The following STPG2 variants were observed in gnomAD, a reference collection of about 807,000 sequenced individuals.
STPG2 encodes the protein sperm-tail PG-rich repeat-containing protein 2.
A neutral mutation model predicts 54.2 loss-of-function variants in STPG2; 56 were observed. That is an observed-to-expected ratio of 1.03 (90% CI 0.83 to 1.29). The LOEUF is 1.29. Ranked by LOEUF, STPG2 falls within the 50% of genes most tolerant of loss-of-function variation. STPG2 has a pLI of 0.00. For synonymous variants in STPG2, 200 were observed against 181.8 expected, an observed-to-expected ratio of 1.10 and a Z score of -0.81; for missense variants, 596 against 544.9, an observed-to-expected ratio of 1.09 and a Z score of -0.93.
At chr4:97,813,677 T>TA (rs869298230) in intron 9 of STPG2, among the ~76,000 whole-genome samples, 1,031 of 45,838 alleles carry the variant, frequency 0.022, 123 homozygotes, top group Middle Eastern at 0.05. Context: ...CCCTGTCTCT[T>TA]AAAAAAAAAA....
At chr4:98,133,219 T>C (rs938082038) in intron 2 of STPG2, among the ~76,000 whole-genome samples, 6 of 152,044 alleles carry the variant, frequency 3.9e-5, no homozygotes, top group Non-Finnish European at 4.4e-5. Context: ...AATTGACTAA[T>C]ATCCAATTAA....
At chr4:97,665,409 G>A (rs1722494166) in intron 10 of STPG2, among the ~76,000 whole-genome samples, 2 of 152,152 alleles carry the variant, frequency 1.3e-5, no homozygotes, top group South Asian at 2.1e-4. Flanking sequence ...TAGCGAGGAT[G>A]TCCCAACAAG....
At chr4:97,949,563 A>T (rs1733386914) in intron 7 of STPG2, among the ~76,000 whole-genome samples, 1 of 152,108 alleles carries the variant, frequency 6.6e-6, no homozygotes, top group African/African-American at 2.4e-5. Flanking sequence ...TTGTTTCAAG[A>T]TTTAGACTCC....
chr4:97,959,978 A>G (rs1209943429), intron 7 of STPG2, among the ~76,000 whole-genome samples: 1 of 152,216 alleles, frequency 6.6e-6, no homozygotes, highest in Non-Finnish European at 1.5e-5. Context: ...ATCCAAAGAC[A>G]CATCAAAAAG....
chr4:97,871,975 A>G (rs1481560883), intron 8 of STPG2, among the ~76,000 whole-genome samples: 2 of 151,148 alleles, frequency 1.3e-5, no homozygotes, highest in Non-Finnish European at 3.0e-5. Context: ...TAAGAATGTA[A>G]TGCTTATTTA....
rs540607554 is a variant in STPG2, at chr4:98,104,012, C to T, written c.612+1941G>A. Among the ~76,000 whole-genome samples, 10 of 152,270 alleles carry T rather than the reference C, an allele frequency of 6.6e-5. No homozygotes were observed. The South Asian group carries it at 1.5e-3, about 22-fold the overall frequency. Reference sequence around the variant, plus strand: ...AATTGTCTGAAGCTGAACTCATTATCTGCTCATCATAATGAGTAGCTTCTG... The same window carrying T: ...AATTGTCTGAAGCTGAACTCATTATTTGCTCATCATAATGAGTAGCTTCTG... On this transcript the variant is annotated intron_variant, in intron 5 of 10. Coordinates refer to ENST00000295268, the MANE Select transcript of STPG2 (RefSeq NM_174952.3).
intron 10 of STPG2, among the ~76,000 whole-genome samples, chr4:97,559,574 C>T (rs534155516): frequency 6.6e-6 from 1 of 152,276 alleles, no homozygotes; most frequent in East Asian, 1.9e-4. Flanking sequence ...TTTGCAAAAG[C>T]TATTCAGCTT....
chr4:98,029,827 C>T (rs548340259), intron 5 of STPG2, among the ~76,000 whole-genome samples: 2 of 151,930 alleles, frequency 1.3e-5, no homozygotes, highest in African/African-American at 2.4e-5. Context: ...AGAGCTTTGT[C>T]TTCTTCTGGT....
At chr4:98,089,830 G>A (rs1466622376) in intron 5 of STPG2, among the ~76,000 whole-genome samples, 3 of 151,378 alleles carry the variant, frequency 2.0e-5, no homozygotes, top group East Asian at 1.9e-4. Flanking sequence ...CATGTTTGTT[G>A]GTTATTTGTC....
At chr4:97,757,812 T>C (rs1032735613) in intron 9 of STPG2, among the ~76,000 whole-genome samples, 5 of 152,134 alleles carry the variant, frequency 3.3e-5, no homozygotes, top group Admixed American at 3.3e-4. Context: ...CTTGAATAAG[T>C]TGTGAGGTTA....
chr4:98,010,650 G>T (rs1312395147), intron 5 of STPG2, among the ~76,000 whole-genome samples: 1 of 152,086 alleles, frequency 6.6e-6, no homozygotes, highest in Non-Finnish European at 1.5e-5. Flanking sequence ...TCATTGATAG[G>T]TAAGAATATA....
At chr4:97,976,289 C>G (rs1045456954) in intron 6 of STPG2, among the ~76,000 whole-genome samples, 10 of 152,130 alleles carry the variant, frequency 6.6e-5, no homozygotes, top group Admixed American at 5.2e-4. Context: ...ACTATTTGAG[C>G]CACCACTTAA....
intron 10 of STPG2, among the ~76,000 whole-genome samples, chr4:97,709,303 G>C (rs1473946271): frequency 1.3e-5 from 2 of 151,592 alleles, no homozygotes; most frequent in East Asian, 3.9e-4. Context: ...ATTTAGAACT[G>C]AAAATAAGTA....
At chr4:97,535,166 G>C (rs534301429) in intron 4 of STPG2, among the ~76,000 whole-genome samples, 1 of 152,274 alleles carries the variant, frequency 6.6e-6, no homozygotes, top group Admixed American at 6.5e-5. Flanking sequence ...TTGCTAGTTT[G>C]TATGGTAAGT....
chr4:98,008,504 AT>A (rs1157258826), intron 5 of STPG2, among the ~76,000 whole-genome samples: 1 of 9,460 alleles, frequency 1.1e-4, no homozygotes, highest in African/African-American at 2.7e-4. Context: ...AAACAGAAGT[AT>A]AAAAACTCAC....
intron 9 of STPG2, among the ~76,000 whole-genome samples, chr4:97,742,590 A>C (rs1400466543): frequency 6.8e-6 from 1 of 147,538 alleles, no homozygotes; most frequent in Non-Finnish European, 1.5e-5. Context: ...GAATACTATC[A>C]GGTCTTTAAA....
chr4:97,937,287 A>G (rs1732781660), intron 8 of STPG2, among the ~76,000 whole-genome samples: 1 of 151,972 alleles, frequency 6.6e-6, no homozygotes, highest in Non-Finnish European at 1.5e-5. Flanking sequence ...GTTACCTTTT[A>G]TCATGGTTCT....
intron 9 of STPG2, among the ~76,000 whole-genome samples, chr4:97,820,244 G>T (rs1728041484): frequency 6.6e-6 from 1 of 152,008 alleles, no homozygotes; most frequent in Non-Finnish European, 1.5e-5. Context: ...TGTGGTGTGT[G>T]TTCCTATGGC....
At chr4:97,748,500 T>C (rs577055611) in intron 9 of STPG2, among the ~76,000 whole-genome samples, 1 of 151,636 alleles carries the variant, frequency 6.6e-6, no homozygotes, top group Non-Finnish European at 1.5e-5. Flanking sequence ...AAATTTCTGA[T>C]TATAAAAGTC....
Sources: gnomAD v4.1 joint callset for allele counts (sites outside exome capture counted in the v4.1 genomes callset) on GRCh38, gnomAD v4.1.1 for gene constraint, MANE v1.5 for transcripts, NCBI Gene and HGNC (gene_info 2026-07-23, HGNC 2026-07-21) for gene names.